The following ITFG1 variants were observed in gnomAD, a reference collection of about 807,000 sequenced individuals.
The protein encoded by ITFG1 is T-cell immunomodulatory protein.
ITFG1 carries 34 observed loss-of-function variants against 81.8 expected under a neutral mutation model. The ratio of observed to expected loss-of-function variants is 0.42; its 90% CI spans 0.32 to 0.55. The LOEUF (loss-of-function observed/expected upper bound fraction) is 0.55. ITFG1 is among the 20% of genes least tolerant of loss of function. The pLI is 0.17. For missense variants in ITFG1, 672 were observed against 755.4 expected, an observed-to-expected ratio of 0.89 and a Z score of 1.29; for synonymous variants, 285 against 270.6, an observed-to-expected ratio of 1.05 and a Z score of -0.52.
chr16:47,422,629 C>G (rs923253074), intron 6 of ITFG1, among the ~76,000 whole-genome samples: 2 of 152,138 alleles, frequency 1.3e-5, no homozygotes, highest in Non-Finnish European at 2.9e-5. Context: ...CCTGGACTTT[C>G]TTTGGTTGGT....
chr16:47,310,985 G>C (rs1286164299), intron 10 of ITFG1, among the ~76,000 whole-genome samples: 3 of 151,324 alleles, frequency 2.0e-5, no homozygotes, highest in Admixed American at 2.0e-4. Context: ...GTTTTATTGA[G>C]TGAAATATAA....
chr16:47,352,910 G>A (rs996865814), intron 8 of ITFG1, among the ~76,000 whole-genome samples: 12 of 152,198 alleles, frequency 7.9e-5, no homozygotes, highest in African/African-American at 2.4e-4. Context: ...CCTTTGTAGC[G>A]ACATGGATGA....
intron 14 of ITFG1, among the ~76,000 whole-genome samples, chr16:47,186,530 T>C (rs1307024995): frequency 1.3e-5 from 2 of 152,208 alleles, no homozygotes; most frequent in Non-Finnish European, 2.9e-5. Context: ...TCTCAATAGA[T>C]GCAGAAAAGG....
intron 14 of ITFG1, among the ~76,000 whole-genome samples, chr16:47,198,171 A>C (rs1965380951): frequency 6.6e-6 from 1 of 152,242 alleles, no homozygotes; most frequent in African/African-American, 2.4e-5. Context: ...CGTTTACTTG[A>C]AACAATTATA....
At chr16:47,199,583 C>T (rs1362864255) in intron 14 of ITFG1, among the ~76,000 whole-genome samples, 1 of 152,120 alleles carries the variant, frequency 6.6e-6, no homozygotes, top group Non-Finnish European at 1.5e-5. Flanking sequence ...GGTTTGTAGC[C>T]TAGGCGTAAT....
At chr16:47,198,399 GT>G (rs2151519764) in intron 14 of ITFG1, among the ~76,000 whole-genome samples, 1 of 152,318 alleles carries the variant, frequency 6.6e-6, no homozygotes, top group East Asian at 1.9e-4. Context: ...TTACTCATAT[GT>G]TTGTGGTGAT....
intron 14 of ITFG1, among the ~76,000 whole-genome samples, chr16:47,174,160 G>A (rs1482729047): frequency 1.3e-5 from 2 of 152,220 alleles, no homozygotes; most frequent in East Asian, 1.9e-4. Context: ...TTCAGGTTAT[G>A]TTGTAATTTA....
intron 10 of ITFG1, among the ~76,000 whole-genome samples, chr16:47,270,543 G>C (rs1005486584): frequency 1.3e-5 from 2 of 152,138 alleles, no homozygotes; most frequent in Non-Finnish European, 2.9e-5. Context: ...AAAAGACATA[G>C]CTACCCCATT....
At chr16:47,231,823 C>A (rs1965819472) in intron 13 of ITFG1, among the ~76,000 whole-genome samples, 1 of 152,166 alleles carries the variant, frequency 6.6e-6, no homozygotes, top group African/African-American at 2.4e-5. Flanking sequence ...ATGTCCATGT[C>A]CTACTTTCCA....
intron 8 of ITFG1, among the ~76,000 whole-genome samples, chr16:47,338,338 G>A (rs1003368193): frequency 3.3e-5 from 5 of 152,088 alleles, no homozygotes; most frequent in African/African-American, 1.2e-4. Context: ...AACCCAGGAG[G>A]TGGAGGTTAC....
At chr16:47,192,198 T>C (rs1403969899) in intron 14 of ITFG1, among the ~76,000 whole-genome samples, 3 of 152,236 alleles carry the variant, frequency 2.0e-5, no homozygotes, top group Non-Finnish European at 1.5e-5. Context: ...TGCCTTTTAG[T>C]GTGGCTTGTA....
chr16:47,236,074 A>G (rs1359384924), intron 13 of ITFG1, among the ~76,000 whole-genome samples: 3 of 152,186 alleles, frequency 2.0e-5, no homozygotes, highest in Non-Finnish European at 4.4e-5. Flanking sequence ...GCAGCTCTGC[A>G]TGTTGGACTT....
intron 10 of ITFG1, among the ~76,000 whole-genome samples, chr16:47,273,397 G>A (rs1312662141): frequency 6.6e-6 from 1 of 152,116 alleles, no homozygotes; most frequent in African/African-American, 2.4e-5. Flanking sequence ...CCTACTATCG[G>A]TAAGTGCAGA....
At chr16:47,439,537 T>G (rs1388923913) in intron 5 of ITFG1, among the ~76,000 whole-genome samples, 3 of 152,170 alleles carry the variant, frequency 2.0e-5, no homozygotes, top group African/African-American at 7.2e-5. Context: ...TATTCAACAT[T>G]CTTAAAGAAA....
Position 47,251,629 on chromosome 16 carries a change from G to A in ITFG1, c.1330+7003C>T, listed in dbSNP as rs2151539118. Among the ~76,000 whole-genome samples, 3 of 152,326 alleles carry A rather than the reference G, an allele frequency of 2.0e-5. No homozygotes were observed. The Middle Eastern group carries it at 0.01, about 518-fold the overall frequency. ...TTTCAAAGATGAGCATATTACAGTA[G>A]CCCCCACTTATCCAAAGGGACATGT... On this transcript the variant is annotated intron_variant, in intron 12 of 17. Transcript: ENST00000320640.
intron 12 of ITFG1, among the ~76,000 whole-genome samples, chr16:47,244,009 C>T (rs920633294): frequency 3.3e-5 from 5 of 152,040 alleles, no homozygotes; most frequent in African/African-American, 7.2e-5. Flanking sequence ...CCAGCCTGGG[C>T]GATAAAGGGA....
chr16:47,442,512 T>C (rs1229391140), intron 5 of ITFG1, among the ~76,000 whole-genome samples: 2 of 152,302 alleles, frequency 1.3e-5, no homozygotes, highest in East Asian at 1.9e-4. Context: ...ACTACAAGGC[T>C]ACAGTAACCA....
At chr16:47,418,904 G>A (rs140358517) in intron 6 of ITFG1, among the ~76,000 whole-genome samples, 2 of 152,072 alleles carry the variant, frequency 1.3e-5, no homozygotes, top group African/African-American at 4.8e-5. Flanking sequence ...AAAATTTTAG[G>A]ATTGTTTTTC....
chr16:47,156,869 G>A lies in ITFG1; in HGVS notation c.1780-1091C>T, dbSNP rs62060597. Reference sequence around the variant, plus strand: ...AGGCCAAGGATTTTATACATAAAAGGCAATGGATATTCACTAGAGCTTTTT... The same window carrying A: ...AGGCCAAGGATTTTATACATAAAAGACAATGGATATTCACTAGAGCTTTTT... On this transcript the variant is annotated intron_variant, in intron 17 of 17. Coordinates refer to ENST00000320640, the MANE Select transcript of ITFG1 (RefSeq NM_030790.5). Among the ~76,000 whole-genome samples the A allele has an allele frequency of 4.5e-3, 687 of 152,312 alleles. 3 individuals are homozygous for A. The highest frequency in any genetic ancestry group is 7.6e-3 in the Admixed American group (117 of 15,296).
Sources: gnomAD v4.1 joint callset for allele counts (sites outside exome capture counted in the v4.1 genomes callset) on GRCh38, gnomAD v4.1.1 for gene constraint, MANE v1.5 for transcripts, NCBI Gene and HGNC (gene_info 2026-07-23, HGNC 2026-07-21) for gene names.